SDK2: variants seen among roughly 807,000 people sequenced by gnomAD.
The protein encoded by SDK2 is sidekick cell adhesion molecule 2, also known as protein sidekick-2.
Under a neutral mutation model 253.9 loss-of-function variants are expected in SDK2, and 105 were observed. The observed-to-expected ratio is 0.41, with a 90% CI of 0.35 to 0.49. The LOEUF (loss-of-function observed/expected upper bound fraction) is 0.49, where lower values mean the gene tolerates loss of function less well. Ranked by LOEUF, SDK2 falls within the 20% of genes least tolerant of loss-of-function variation. The pLI, the probability that SDK2 is intolerant of heterozygous loss-of-function variation, is 0.06. For synonymous variants in SDK2, 1,249 were observed against 1,234.9 expected, an observed-to-expected ratio of 1.01 and a Z score of -0.24; for missense variants, 2,608 against 3,003.0, an observed-to-expected ratio of 0.87 and a Z score of 3.07.
In SDK2 at chr17:73,612,644, C is replaced by T. The variant is rs558545804; in HGVS notation, c.64+31381G>A. ...ATAATAATAGTAACAGTAGGCCAGG[C>T]GAGGTGGCTCACACCTGTAATCCCA... is the stretch of plus-strand genomic sequence containing the variant. On this transcript the variant is annotated intron_variant, in intron 1 of 44. Coordinates refer to ENST00000392650, the MANE Select transcript of SDK2 (RefSeq NM_001144952.2). The surrounding 1 kb of genome is among the most constrained non-coding windows in gnomAD (Gnocchi z 4.4). Among the ~76,000 whole-genome samples the T allele has an allele frequency of 3.3e-5, 5 of 152,100 alleles. No homozygotes were observed. In the South Asian group the frequency reaches 1.0e-3, roughly 32 times the overall value.
chr17:73,563,721 G>C (rs1204734424), intron 1 of SDK2, among the ~76,000 whole-genome samples: 1 of 152,104 alleles, frequency 6.6e-6, no homozygotes, highest in Non-Finnish European at 1.5e-5. Flanking sequence ...GCAGGGTTGA[G>C]ATGAGTGAAA....
intron 18 of SDK2, 30 bp from the exon 19 acceptor site, chr17:73,402,171 C>T (rs1320616053): frequency 1.9e-6 from 3 of 1,601,772 alleles, no homozygotes; most frequent in Admixed American, 1.7e-5. Flanking sequence ...TCACACAGGG[C>T]AGCAGGAAGG....
chr17:73,592,392 G>A (rs1237828551), intron 1 of SDK2, among the ~76,000 whole-genome samples: 1 of 152,230 alleles, frequency 6.6e-6, no homozygotes, highest in Non-Finnish European at 1.5e-5. Context: ...AAATTAAAAT[G>A]ACCAAAATGG....
chr17:73,623,366 C>T (rs928512717), intron 1 of SDK2, among the ~76,000 whole-genome samples: 16 of 152,142 alleles, frequency 1.1e-4, no homozygotes, highest in East Asian at 7.8e-4. Context: ...GGGGTTCCCC[C>T]TCTCTGTTCT....
chr17:73,619,471 C>T (rs994422696), intron 1 of SDK2, among the ~76,000 whole-genome samples: 2 of 152,136 alleles, frequency 1.3e-5, no homozygotes, highest in Non-Finnish European at 2.9e-5. Context: ...ACAAAGTTGT[C>T]AGGAAACTCA....
rs371441796 is a variant in SDK2 at position 73,563,493 on chromosome 17, T to G, written c.65-55896A>C. The stretch of plus-strand genomic sequence containing the variant: ...CTCAGAAGGCTGAATGTGGGAGGAT[T>G]GCACGAGCCCAGGAGTTTGAGGCTG... On this transcript the variant is annotated intron_variant, in intron 1 of 44. Transcript: ENST00000392650. 8.5e-5 allele frequency among the ~76,000 whole-genome samples: 13 copies of G among 152,210 alleles called. 1 individual carries two copies. The highest frequency in any genetic ancestry group is 3.1e-4 in the African/African-American group (13 of 41,524).
intron 2 of SDK2, among the ~76,000 whole-genome samples, chr17:73,500,725 T>G (rs943363555): frequency 6.9e-6 from 1 of 145,300 alleles, no homozygotes; most frequent in African/African-American, 2.6e-5. Flanking sequence ...CCATCCTCTG[T>G]CCATCCTCCC....
Position 73,390,198 on chromosome 17 carries a change from T to C in SDK2, c.4192+89A>G, listed in dbSNP as rs115743912. On this transcript the variant is annotated intron_variant, in intron 29 of 44. Transcript: ENST00000392650. Reference sequence around the variant, plus strand: ...TTCTCATCCAGGGCACTGCAGCTCATACCAGCCATCCACTAGGAACAGCTC... The same window carrying C: ...TTCTCATCCAGGGCACTGCAGCTCACACCAGCCATCCACTAGGAACAGCTC... The C allele has an allele frequency of 7.4e-3, 8,643 of 1,162,840 alleles. 444 individuals are homozygous for C. In the African/African-American group the frequency reaches 0.11, roughly 15 times the overall value. 72.0% of individuals were successfully genotyped at this position (1,162,840 alleles called of 1,614,324 possible). A position where few individuals can be genotyped will look rare whatever the true frequency, so the allele number is the denominator to read the frequency against.
intron 40 of SDK2, among the ~76,000 whole-genome samples, chr17:73,355,876 G>A (rs1379571981): frequency 6.6e-6 from 1 of 152,094 alleles, no homozygotes; most frequent in Non-Finnish European, 1.5e-5. Context: ...TAGTACTGGG[G>A]TACAAATCCA....
rs557053971 is a variant in SDK2 at position 73,465,946 on chromosome 17, A to C, written c.331+6166T>G. ...TGTGTGCCATCTGCGTGTGTGTGTA[A>C]GGAGACAGACGGATTGGCAGACAGG... On this transcript the variant is annotated intron_variant, in intron 3 of 44. Transcript: ENST00000392650. The surrounding 1 kb of genome is among the most constrained non-coding windows in gnomAD (Gnocchi z 4.2). Among the ~76,000 whole-genome samples the C allele has an allele frequency of 3.8e-4, 58 of 152,290 alleles. No homozygotes were observed. The highest frequency in any genetic ancestry group is 1.4e-3 in the Admixed American group (22 of 15,298).
At position 73,386,446 on chromosome 17, in the gene SDK2, AGCCTGCAG is replaced by A. The variant is rs2062872720; in HGVS notation, c.4489_4496del (p.Leu1497CysfsTer4). Reference sequence around the variant, plus strand: ...GACTGCTGGGGAAGGGGTACTGACCAGCCTGCAGGGTGGTCAGTGACTCCGACTCCTCG... The same window carrying A: ...GACTGCTGGGGAAGGGGTACTGACCAGGTGGTCAGTGACTCCGACTCCTCG... On this transcript the variant is annotated frameshift_variant and splice_region_variant, in exon 31 of 45. Transcript: ENST00000392650. LOFTEE classifies it high-confidence loss of function. 1 of 1,549,868 alleles carries A rather than the reference AGCCTGCAG, an allele frequency of 6.5e-7. No homozygotes were observed.
rs1216650267 is a variant in SDK2, at chr17:73,387,845, A to T, written c.4385T>A (p.Ile1462Asn). ...ASVSHNASSF[I>N]VDRLKPFTSY... The stretch of plus-strand genomic sequence containing the variant: ...TGGACCCGAGCCTTACCTGTCCACA[A>T]TGAAGCTGGAGGCATTGTGGCTCAC... Residue 1462 changes from isoleucine to asparagine, a missense_variant, in exon 30 of 45, where the codon ATT becomes AAT. Coordinates refer to ENST00000392650, the MANE Select transcript of SDK2 (RefSeq NM_001144952.2). 3 of 1,579,014 alleles carry T rather than the reference A, an allele frequency of 1.9e-6. No homozygotes were observed. In the East Asian group the frequency reaches 7.0e-5, roughly 37 times the overall value.
intron 4 of SDK2, among the ~76,000 whole-genome samples, chr17:73,449,668 C>A (rs1453207659): frequency 1.4e-5 from 2 of 146,406 alleles, no homozygotes; most frequent in Non-Finnish European, 3.0e-5. Context: ...CGCCTGTAAT[C>A]CCAGCATTTT....
At chr17:73,539,766 A>G (rs1169256392) in intron 1 of SDK2, among the ~76,000 whole-genome samples, 2 of 152,180 alleles carry the variant, frequency 1.3e-5, no homozygotes, top group South Asian at 2.1e-4. Flanking sequence ...GGCCCCTAAT[A>G]CAATTTAACT....
chr17:73,628,229 G>A (rs2046226953), intron 1 of SDK2, among the ~76,000 whole-genome samples: 1 of 152,234 alleles, frequency 6.6e-6, no homozygotes, highest in African/African-American at 2.4e-5. Flanking sequence ...GAGGAGGCAG[G>A]GGGGCCAGGA....
At chr17:73,406,606 C>T (rs2063081723) in intron 18 of SDK2, among the ~76,000 whole-genome samples, 1 of 152,114 alleles carries the variant, frequency 6.6e-6, no homozygotes, top group South Asian at 2.1e-4. Context: ...AAACAGAAAG[C>T]AATCAGACCT....
At position 73,402,144 on chromosome 17, in the gene SDK2, G is replaced by A. The variant is rs780669050; in HGVS notation, c.2485-3C>T. 1 of 1,612,164 alleles carries A rather than the reference G, an allele frequency of 6.2e-7. No homozygotes were observed. The highest frequency in any genetic ancestry group is 1.7e-5 in the Admixed American group (1 of 59,974). On this transcript the variant is annotated splice_polypyrimidine_tract_variant and splice_region_variant and intron_variant, in intron 18 of 44. Coordinates refer to ENST00000392650, the MANE Select transcript of SDK2 (RefSeq NM_001144952.2). ...TGTTCCGGCTCCCAGGCGATCAGCT[G>A]CGGAGAGGCGAGCAAGTCACACAGG...
At chr17:73,440,583 G>C (rs985821219) in intron 6 of SDK2, among the ~76,000 whole-genome samples, 2 of 152,142 alleles carry the variant, frequency 1.3e-5, no homozygotes, top group African/African-American at 4.8e-5. Flanking sequence ...CCCCTTCCCT[G>C]TAAGTTCCAT....
chr17:73,540,828 C>T (rs2044857181), intron 1 of SDK2, among the ~76,000 whole-genome samples: 1 of 152,196 alleles, frequency 6.6e-6, no homozygotes, highest in Non-Finnish European at 1.5e-5. Flanking sequence ...TTAATCTACC[C>T]CTAAGTCAGG....
Sources: allele counts gnomAD v4.1 joint callset (sites outside exome capture counted in the v4.1 genomes callset), GRCh38; gene constraint gnomAD v4.1.1; non-coding constraint Gnocchi (gnomAD v3.1); transcripts MANE v1.5; gene names NCBI Gene and HGNC (gene_info 2026-07-23, HGNC 2026-07-21).